The following RBM39 variants were observed in gnomAD, a reference collection of about 807,000 sequenced individuals.
RBM39 encodes the protein RNA binding motif protein 39.
In RBM39, 12 loss-of-function variants were observed where a neutral mutation model predicts 79.6. The observed-to-expected ratio is 0.15, with a 90% CI of 0.10 to 0.24. The LOEUF (loss-of-function observed/expected upper bound fraction) is 0.24, where lower values mean the gene tolerates loss of function less well. Among genes scored for constraint, RBM39 ranks in the 10% least tolerant of loss-of-function variants. The pLI is 1.00. For missense variants in RBM39, 243 were observed against 653.4 expected, an observed-to-expected ratio of 0.37 and a Z score of 6.85; for synonymous variants, 185 against 208.4, an observed-to-expected ratio of 0.89 and a Z score of 0.97.
intron 14 of RBM39, among the ~76,000 whole-genome samples, chr20:35,706,125 G>A (rs1766565727): frequency 6.6e-6 from 1 of 152,184 alleles, no homozygotes; most frequent in South Asian, 2.1e-4. Context: ...GATCACTTAA[G>A]GTCAGGAGTT....
intron 9 of RBM39, among the ~76,000 whole-genome samples, chr20:35,717,116 C>T (rs1401862877): frequency 6.6e-6 from 1 of 151,926 alleles, no homozygotes; most frequent in African/African-American, 2.4e-5. Flanking sequence ...CAGGTCTCCA[C>T]CAAAAATACA....
Position 35,716,758 on chromosome 20 carries a change from C to A in RBM39, c.873G>T (p.Lys291Asn). The change falls in exon 10 of 17, where the codon AAG becomes AAT. Residue 291 changes from lysine (K) to asparagine (N), a missense_variant. Physicochemically the swap from Lys to Asn is moderately conservative, Grantham distance 94. Coordinates refer to ENST00000253363, the MANE Select transcript of RBM39 (RefSeq NM_184234.3). ...LMMDSETGRS[K>N]GYGFITFSDS... The stretch of plus-strand genomic sequence containing the variant: ...TACTTACTGTAATAAATCCATATCC[C>A]TTGGATCGACCAGTTTCACTGTCCA... 6.3e-7 allele frequency: 1 copy of A among 1,597,048 alleles called. No homozygotes were observed.
At chr20:35,725,321 C>A (rs1404229743) in intron 6 of RBM39, among the ~76,000 whole-genome samples, 166 bp from the exon 7 acceptor site, 1 of 152,118 alleles carries the variant, frequency 6.6e-6, no homozygotes, top group East Asian at 1.9e-4. Flanking sequence ...GTACCTGTCA[C>A]CTGAGCAGTA....
intron 12 of RBM39, among the ~76,000 whole-genome samples, chr20:35,710,037 G>A (rs978559781): frequency 1.3e-5 from 2 of 152,220 alleles, no homozygotes; most frequent in Non-Finnish European, 2.9e-5. Context: ...TACAGTGGAC[G>A]CCATCTGAAA....
chr20:35,724,432 T>TAAAAA, intron 8 of RBM39, 138 bp downstream of exon 8: 2 of 617,120 alleles, frequency 3.2e-6, no homozygotes, highest in African/African-American at 4.2e-5. Context: ...AACGCAAAGT[T>TAAAAA]AAAAAAAAAA....
rs527288177 is a variant in RBM39, at chr20:35,721,933, C to A, written c.688-56G>T. 7.9e-5 allele frequency: 123 copies of A among 1,551,832 alleles called. No homozygotes were observed. In the African/African-American group the frequency reaches 1.5e-3, roughly 19 times the overall value. On this transcript the variant is annotated intron_variant, in intron 8 of 16. Coordinates refer to ENST00000253363, the MANE Select transcript of RBM39 (RefSeq NM_184234.3). ...TAACACACAGCAGTTTAAAGACATA[C>A]ACCTTCCATTTGCATAACAACTAAT...
chr20:35,736,928 G>A (rs368030563), intron 3 of RBM39, among the ~76,000 whole-genome samples: 1 of 151,380 alleles, frequency 6.6e-6, no homozygotes, highest in Non-Finnish European at 1.5e-5. Flanking sequence ...TGGGATTACA[G>A]GTGTGAGCCA....
At chr20:35,710,876 G>A (rs1189734798) in intron 12 of RBM39, among the ~76,000 whole-genome samples, 1 of 152,092 alleles carries the variant, frequency 6.6e-6, no homozygotes, top group Non-Finnish European at 1.5e-5. Context: ...CTAAAAAAGG[G>A]AATGTAACTA....
At chr20:35,709,367 A>C (rs1232219136) in intron 12 of RBM39, 93 bp from the exon 13 acceptor site, 2 of 1,057,414 alleles carry the variant, frequency 1.9e-6, no homozygotes, top group Non-Finnish European at 2.7e-6. Flanking sequence ...AGCAGGGTTC[A>C]TTCAAATGCA....
intron 3 of RBM39, among the ~76,000 whole-genome samples, chr20:35,733,384 G>T (rs1460137305): frequency 6.6e-6 from 1 of 151,432 alleles, no homozygotes; most frequent in African/African-American, 2.4e-5. Context: ...GAGGAAGGCA[G>T]GTCACCTGAG....
At chr20:35,719,213 G>C (rs1399662821) in intron 9 of RBM39, among the ~76,000 whole-genome samples, 1 of 151,998 alleles carries the variant, frequency 6.6e-6, no homozygotes, top group Non-Finnish European at 1.5e-5. Context: ...TATATTTTTA[G>C]TAGAGAAGAG....
chr20:35,706,886 G>A (rs1784798452), intron 14 of RBM39, among the ~76,000 whole-genome samples: 1 of 151,918 alleles, frequency 6.6e-6, no homozygotes, highest in African/African-American at 2.4e-5. Context: ...AATTAGCCAG[G>A]TGTGGTGGCG....
intron 12 of RBM39, among the ~76,000 whole-genome samples, chr20:35,712,351 T>G (rs1370193441): frequency 1.4e-5 from 2 of 146,098 alleles, no homozygotes; most frequent in Non-Finnish European, 3.0e-5. Context: ...GAGAACTGCT[T>G]GAACCCAGGA....
chr20:35,708,023 G>A, intron 13 of RBM39: 4 of 366,244 alleles, frequency 1.1e-5, no homozygotes, highest in South Asian at 4.0e-5. Flanking sequence ...TAGAAATTAT[G>A]GTAATTAAAA....
At chr20:35,725,234 G>C (rs1170298964) in intron 6 of RBM39, 79 bp from the exon 7 acceptor site, 3 of 991,898 alleles carry the variant, frequency 3.0e-6, no homozygotes, top group Non-Finnish European at 4.4e-6. Context: ...TCTTCATATA[G>C]TTCAACAGGT....
At chr20:35,737,118 A>G (rs2146731113) in intron 3 of RBM39, among the ~76,000 whole-genome samples, 1 of 150,304 alleles carries the variant, frequency 6.7e-6, no homozygotes, top group African/African-American at 2.4e-5. Flanking sequence ...TTGGCTGGGC[A>G]TGATGGCTCA....
Position 35,721,683 on chromosome 20 carries a change from T to C in RBM39, c.825+57A>G, listed in dbSNP as rs563119659. On this transcript the variant is annotated intron_variant, in intron 9 of 16. Coordinates refer to ENST00000253363, the MANE Select transcript of RBM39 (RefSeq NM_184234.3). ...AACAAAGCAAGACATACAGAAATTA[T>C]GTAGTTATACTCAGATCAACAACCT... is the stretch of plus-strand genomic sequence containing the variant. 1.9e-5 allele frequency: 29 copies of C among 1,548,536 alleles called. No homozygotes were observed. In the African/African-American group the frequency reaches 3.2e-4, roughly 17 times the overall value.
intron 10 of RBM39, among the ~76,000 whole-genome samples, chr20:35,715,618 C>T (rs536189610): frequency 1.4e-4 from 21 of 152,174 alleles, no homozygotes; most frequent in Admixed American, 5.2e-4. Context: ...CAGAGATGAA[C>T]GTATAAAACA....
At chr20:35,739,541 T>C in intron 2 of RBM39, 1 of 471,030 alleles carries the variant, frequency 2.1e-6, no homozygotes, top group South Asian at 1.5e-5. Flanking sequence ...CTGTCACACA[T>C]CTCGCCCTGA....
Sources: gnomAD v4.1 joint callset for allele counts (sites outside exome capture counted in the v4.1 genomes callset) on GRCh38, gnomAD v4.1.1 for gene constraint, MANE v1.5 for transcripts, NCBI Gene and HGNC (gene_info 2026-07-23, HGNC 2026-07-21) for gene names.